Variants in IKZF1 observed in about 807,000 individuals in gnomAD.
IKZF1 encodes DNA-binding protein Ikaros.
A neutral mutation model predicts 51.7 loss-of-function variants in IKZF1; 10 were observed. That is an observed-to-expected ratio of 0.19 (90% CI 0.12 to 0.33). The LOEUF (loss-of-function observed/expected upper bound fraction) is 0.33, where lower values mean the gene tolerates loss of function less well. Ranked by LOEUF, IKZF1 falls within the 10% of genes least tolerant of loss-of-function variation. The pLI is 1.00. For synonymous variants in IKZF1, 280 were observed against 282.3 expected, an observed-to-expected ratio of 0.99 and a Z score of 0.08; for missense variants, 484 against 707.5, an observed-to-expected ratio of 0.68 and a Z score of 3.58.
At chr7:50,313,655 A>G (rs1280058333) in intron 1 of IKZF1, among the ~76,000 whole-genome samples, 3 of 152,230 alleles carry the variant, frequency 2.0e-5, no homozygotes, top group Non-Finnish European at 4.4e-5. Context: ...GTGGTTGATT[A>G]GCTGTGTGAC....
intron 1 of IKZF1, among the ~76,000 whole-genome samples, chr7:50,305,680 A>G (rs1386669085): frequency 2.0e-5 from 3 of 152,108 alleles, no homozygotes; most frequent in South Asian, 4.1e-4. Context: ...TGCTTAGGTT[A>G]CCCACTCACA....
chr7:50,356,554 C>T lies in IKZF1; in HGVS notation c.161-19979C>T, dbSNP rs554521378. Among the ~76,000 whole-genome samples the T allele has an allele frequency of 3.1e-3, 473 of 152,206 alleles. 4 individuals carry two copies. The highest frequency in any genetic ancestry group is 0.011 in the African/African-American group (439 of 41,516). On this transcript the variant is annotated intron_variant, in intron 3 of 7. Transcript: ENST00000331340. Reference sequence around the variant, plus strand: ...TCTGTGGGGTGTGTCTGTGTGTGCACGGCTGTGTGTCTGTGCGTGTGCATG... The same window carrying T: ...TCTGTGGGGTGTGTCTGTGTGTGCATGGCTGTGTGTCTGTGCGTGTGCATG...
chr7:50,375,314 C>T (rs1313203569), intron 3 of IKZF1, among the ~76,000 whole-genome samples: 3 of 152,072 alleles, frequency 2.0e-5, no homozygotes, highest in Non-Finnish European at 2.9e-5. Flanking sequence ...GTCACAACTA[C>T]TGGGGAGGCT....
intron 2 of IKZF1, among the ~76,000 whole-genome samples, chr7:50,326,133 G>A (rs144771085): frequency 0.019 from 2,952 of 152,276 alleles, 45 homozygotes; most frequent in Non-Finnish European, 0.024. Flanking sequence ...TATATACTGA[G>A]GATGATTTTA....
intron 3 of IKZF1, among the ~76,000 whole-genome samples, chr7:50,373,048 C>A (rs1809181483): frequency 6.6e-6 from 1 of 152,220 alleles, no homozygotes; most frequent in Non-Finnish European, 1.5e-5. Flanking sequence ...CTGCTTTCAG[C>A]CACCATTTGT....
At chr7:50,362,919 G>GGT (rs1436535836) in intron 3 of IKZF1, among the ~76,000 whole-genome samples, 4 of 152,188 alleles carry the variant, frequency 2.6e-5, no homozygotes, top group African/African-American at 9.7e-5. Flanking sequence ...GGCAGGATGT[G>GGT]GTGCAGGCTG....
chr7:50,368,585 T>C (rs543334300), intron 3 of IKZF1: 37 of 506,932 alleles, frequency 7.3e-5, no homozygotes, highest in East Asian at 6.9e-4. Context: ...GGAGCCAACG[T>C]ACTGTTCCTG....
rs147246043 is a variant in IKZF1, at chr7:50,327,001, C to T, written c.41-637C>T. The stretch of plus-strand genomic sequence containing the variant: ...TGACAGGAGGGTGTGGTGTGGCAAG[C>T]TCATTGTGGGGGTAAATTGGAATAA... On this transcript the variant is annotated intron_variant, in intron 2 of 7. Transcript: ENST00000331340. Among the ~76,000 whole-genome samples, 546 of 152,204 alleles carry T rather than the reference C, an allele frequency of 3.6e-3. 6 individuals are homozygous for T. Among genetic ancestry groups the T allele is most frequent in the African/African-American group, 0.012 (497 of 41,506 alleles).
At position 50,389,623 on chromosome 7, in the gene IKZF1, A is replaced by G. The variant is rs527387842; in HGVS notation, c.716-2106A>G. ...GTATGGCCTCAAAAGGTGCAAAATGATCATAAATATCTTTCGACAGTCACC... is the reference window on the plus strand; with the variant it reads ...GTATGGCCTCAAAAGGTGCAAAATGGTCATAAATATCTTTCGACAGTCACC... On this transcript the variant is annotated intron_variant, in intron 6 of 7. Coordinates refer to ENST00000331340, the MANE Select transcript of IKZF1 (RefSeq NM_006060.6). 5.3e-5 allele frequency among the ~76,000 whole-genome samples: 8 copies of G among 152,346 alleles called. No homozygotes were observed. The South Asian group carries it at 6.2e-4, about 12-fold the overall frequency.
In IKZF1 at chr7:50,327,692, C is replaced by T. The variant is rs775793261; in HGVS notation, c.95C>T (p.Pro32Leu). ...CCAGATGAGGGCGATGAGCCCATGC[C>T]GATCCCCGAGGACCTCTCCACCACC... The part of the protein sequence containing the change: ...DTPDEGDEPM[P>L]IPEDLSTTSG... The change falls in exon 3 of 8, where the codon CCG (proline) becomes CTG (leucine). Residue 32 changes from proline (P) to leucine (L), a missense_variant. By Grantham distance (98) the Pro-to-Leu change is moderately conservative. Transcript: ENST00000331340. 31 of 1,613,662 alleles carry T rather than the reference C, an allele frequency of 1.9e-5. No individual in the cohort carries two copies. Among genetic ancestry groups the T allele is most frequent in the Admixed American group, 3.3e-5 (2 of 59,988 alleles).
chr7:50,321,008 G>A (rs1478960488), intron 2 of IKZF1, among the ~76,000 whole-genome samples: 1 of 152,142 alleles, frequency 6.6e-6, no homozygotes. Context: ...AGAATAGCAT[G>A]GTTCTGGATG....
intron 3 of IKZF1, among the ~76,000 whole-genome samples, chr7:50,364,557 A>G (rs1219607474): frequency 6.6e-6 from 1 of 152,258 alleles, no homozygotes; most frequent in African/African-American, 2.4e-5. Flanking sequence ...AGCTTCGCTA[A>G]TCCCACAGTG....
intron 5 of IKZF1, among the ~76,000 whole-genome samples, chr7:50,384,674 A>C (rs929878092): frequency 6.6e-6 from 1 of 152,256 alleles, no homozygotes. Context: ...AGCAAGGCCC[A>C]TGGAGGCCTC....
chr7:50,400,014 A>G lies in IKZF1; in HGVS notation c.947A>G (p.Asn316Ser). ...MKSHVMDQAI[N>S]NAINYLGAES... ...TCCCACGTGATGGACCAAGCCATCA[A>G]CAACGCCATCAACTACCTGGGGGCC... Residue 316 changes from asparagine (N) to serine (S), a missense_variant, in exon 8 of 8, where the codon AAC (asparagine) becomes AGC (serine). Physicochemically the swap from Asn to Ser is conservative, Grantham distance 46. Around this residue, in one of 6 missense-constraint regions of IKZF1, gnomAD observed 172 missense variants for 192.7 expected, o/e 0.89. Coordinates refer to ENST00000331340, the MANE Select transcript of IKZF1 (RefSeq NM_006060.6). The surrounding 1 kb of genome is among the most constrained non-coding windows in gnomAD (Gnocchi z 5.4). The G allele has an allele frequency of 6.2e-7, 1 of 1,613,270 alleles. No homozygotes were observed. The highest frequency in any genetic ancestry group is 8.5e-7 in the Non-Finnish European group (1 of 1,179,696).
At chr7:50,345,403 C>T (rs541725762) in intron 3 of IKZF1, among the ~76,000 whole-genome samples, 235 of 152,290 alleles carry the variant, frequency 1.5e-3, no homozygotes, top group South Asian at 5.0e-3. Context: ...GACCTAGTTC[C>T]GTTGTGGAGC....
At position 50,400,964 on chromosome 7, in the gene IKZF1, A is replaced by T. The variant is rs1489467599; in HGVS notation, c.*337A>T. ...AGTCTAAATTTTCAGAGAGAAATAG[A>T]TAAAACACGCCACAGCCTGGGAAGG... On this transcript the variant is annotated 3_prime_UTR_variant, in exon 8 of 8. Coordinates refer to ENST00000331340, the MANE Select transcript of IKZF1 (RefSeq NM_006060.6). This position sits in a 1 kb window ranked among gnomAD's most constrained non-coding sequence, Gnocchi z 5.4. 11 of 420,708 alleles carry T rather than the reference A, an allele frequency of 2.6e-5. No homozygotes were observed. In the South Asian group the frequency reaches 2.8e-4, roughly 11 times the overall value. 26.1% of individuals were successfully genotyped at this position (420,708 alleles called of 1,614,324 possible). A position where few individuals can be genotyped will look rare whatever the true frequency, so the allele number is the denominator to read the frequency against.
Position 50,376,295 on chromosome 7 carries a change from T to C in IKZF1, c.161-238T>C, listed in dbSNP as rs143892504. Among the ~76,000 whole-genome samples, 24 of 152,350 alleles carry C rather than the reference T, an allele frequency of 1.6e-4. No homozygotes were observed. Among genetic ancestry groups the C allele is most frequent in the African/African-American group, 5.3e-4 (22 of 41,580 alleles). The stretch of plus-strand genomic sequence containing the variant: ...TTTCAGATAATCGCCACTGGGCCTA[T>C]GGATGGAGAGGGCTGGCAGATCTCC... On this transcript the variant is annotated intron_variant, in intron 3 of 7. Transcript: ENST00000331340. The surrounding 1 kb of genome is among the most constrained non-coding windows in gnomAD (Gnocchi z 4.5).
At chr7:50,330,194 C>T (rs1796140195) in intron 3 of IKZF1, among the ~76,000 whole-genome samples, 1 of 152,196 alleles carries the variant, frequency 6.6e-6, no homozygotes, top group African/African-American at 2.4e-5. Flanking sequence ...TCATGTTTGA[C>T]ATGATTTTCA....
chr7:50,401,758 G>A lies in IKZF1; in HGVS notation c.*1131G>A, dbSNP rs760545606. On this transcript the variant is annotated 3_prime_UTR_variant, in exon 8 of 8. Coordinates refer to ENST00000331340, the MANE Select transcript of IKZF1 (RefSeq NM_006060.6). ...TTATTCTCGTTTTAAAACCCATAAA[G>A]GAGTGATTTAGAACAGTCATTAATT... 7.7e-5 allele frequency: 17 copies of A among 219,386 alleles called. No homozygotes were observed. Among genetic ancestry groups the A allele is most frequent in the African/African-American group, 1.6e-4 (7 of 44,504 alleles). 13.6% of individuals were successfully genotyped at this position (219,386 alleles called of 1,614,324 possible).
Sources: allele counts gnomAD v4.1 joint callset (sites outside exome capture counted in the v4.1 genomes callset), GRCh38; gene constraint gnomAD v4.1.1; regional missense constraint gnomAD v4.1.1; non-coding constraint Gnocchi (gnomAD v3.1); transcripts MANE v1.5; gene names NCBI Gene and HGNC (gene_info 2026-07-23, HGNC 2026-07-21).